The following CLTCL1 variants were observed in gnomAD, a reference collection of about 807,000 sequenced individuals.
The protein encoded by CLTCL1 is clathrin heavy chain 2.
In CLTCL1, 159 loss-of-function variants were observed where a neutral mutation model predicts 190.0. The observed-to-expected ratio is 0.84, with a 90% CI of 0.74 to 0.95. The LOEUF (loss-of-function observed/expected upper bound fraction) is 0.95, where lower values mean the gene tolerates loss of function less well. CLTCL1 is among the 40% of genes least tolerant of loss of function. The pLI is 0.00. For synonymous variants in CLTCL1, 752 were observed against 769.6 expected (o/e 0.98, Z 0.38); for missense variants, 1,878 against 2,033.4 (o/e 0.92, Z 1.47).
At chr22:19,271,477 C>A (rs142679084) in intron 2 of CLTCL1, among the ~76,000 whole-genome samples, 121 of 152,264 alleles carry the variant, frequency 7.9e-4, no homozygotes, top group African/African-American at 2.1e-3. Flanking sequence ...ATGGCACTCC[C>A]CCTTTTGTTC....
At chr22:19,288,459 T>A (rs1341946271) in intron 1 of CLTCL1, among the ~76,000 whole-genome samples, 1 of 152,254 alleles carries the variant, frequency 6.6e-6, no homozygotes, top group Admixed American at 6.5e-5. Flanking sequence ...AGTTATTGTT[T>A]AATGCTTTAC....
At chr22:19,268,437 A>G (rs1432691033) in intron 2 of CLTCL1, among the ~76,000 whole-genome samples, 3 of 152,248 alleles carry the variant, frequency 2.0e-5, no homozygotes, top group African/African-American at 7.2e-5. Flanking sequence ...GAGAAAATAT[A>G]TGTAAATCAC....
chr22:19,275,057 C>G (rs1340451079), intron 2 of CLTCL1, among the ~76,000 whole-genome samples: 1 of 152,142 alleles, frequency 6.6e-6, no homozygotes, highest in African/African-American at 2.4e-5. Context: ...GTAAGTGATA[C>G]TGCATTTCAC....
intron 2 of CLTCL1, among the ~76,000 whole-genome samples, chr22:19,269,635 A>T (rs1332823765): frequency 2.0e-5 from 3 of 152,168 alleles, no homozygotes; most frequent in Non-Finnish European, 2.9e-5. Flanking sequence ...CTTTGCAGGG[A>T]CATGGATGAA....
At position 19,221,372 on chromosome 22, in the gene CLTCL1, C is replaced by A; in HGVS notation, c.2796+5G>T. ...CATGGGCAGCTCAGCACATCTGCTA[C>A]CCACCTTGATGAGCTCAAGGTCACA... is the stretch of plus-strand genomic sequence containing the variant. On this transcript the variant is annotated splice_donor_5th_base_variant and intron_variant, in intron 17 of 32. Coordinates refer to ENST00000427926, the MANE Select transcript of CLTCL1 (RefSeq NM_007098.4). 6.5e-7 allele frequency: 1 copy of A among 1,540,964 alleles called. No homozygotes were observed. Among genetic ancestry groups the A allele is most frequent in the Non-Finnish European group, 8.8e-7 (1 of 1,139,318 alleles).
intron 1 of CLTCL1, among the ~76,000 whole-genome samples, chr22:19,281,021 C>T (rs1357905928): frequency 1.3e-5 from 2 of 150,360 alleles, no homozygotes; most frequent in African/African-American, 2.4e-5. Context: ...CCGGGCGCGG[C>T]GGCTCACACC....
At chr22:19,266,991 G>C (rs1391706143) in intron 2 of CLTCL1, among the ~76,000 whole-genome samples, 4 of 152,146 alleles carry the variant, frequency 2.6e-5, no homozygotes, top group African/African-American at 9.7e-5. Context: ...GGGTATTCTA[G>C]CCGATGCAAT....
intron 29 of CLTCL1, among the ~76,000 whole-genome samples, chr22:19,186,119 C>T (rs946456915): frequency 6.6e-6 from 1 of 152,160 alleles, no homozygotes; most frequent in Non-Finnish European, 1.5e-5. Context: ...CCAACAGCCG[C>T]AGACCAGGAG....
chr22:19,228,625 T>G (rs1278163184), intron 11 of CLTCL1, among the ~76,000 whole-genome samples: 1 of 152,174 alleles, frequency 6.6e-6, no homozygotes, highest in East Asian at 1.9e-4. Flanking sequence ...ACAATATACT[T>G]AATATGTTGT....
At position 19,219,631 on chromosome 22, in the gene CLTCL1, G is replaced by A. The variant is rs552659520; in HGVS notation, c.2919+254C>T. Among the ~76,000 whole-genome samples the A allele has an allele frequency of 3.9e-5, 6 of 152,046 alleles. No homozygotes were observed. In the South Asian group the frequency reaches 1.2e-3, roughly 32 times the overall value. Reference sequence around the variant, plus strand: ...CCCAAGTAGCTGGGATTACAGGCGTGTGCCACCATGTGCGGCTAATTTTTG... The same window carrying A: ...CCCAAGTAGCTGGGATTACAGGCGTATGCCACCATGTGCGGCTAATTTTTG... On this transcript the variant is annotated intron_variant, in intron 18 of 32. Transcript: ENST00000427926.
chr22:19,247,651 C>T (rs2086461048), intron 3 of CLTCL1, among the ~76,000 whole-genome samples: 1 of 151,172 alleles, frequency 6.6e-6, no homozygotes, highest in Non-Finnish European at 1.5e-5. Flanking sequence ...ACCTCTGCAT[C>T]CTGGGTTCAG....
chr22:19,285,274 TA>T (rs1223526589), intron 1 of CLTCL1, among the ~76,000 whole-genome samples: 1 of 150,760 alleles, frequency 6.6e-6, no homozygotes, highest in Admixed American at 6.6e-5. Flanking sequence ...GACTCCATCT[TA>T]AAAAAAAGAA....
At chr22:19,201,602 G>T (rs989883690) in intron 22 of CLTCL1, 109 bp from the exon 23 acceptor site, 8 of 1,201,534 alleles carry the variant, frequency 6.7e-6, no homozygotes, top group African/African-American at 3.0e-5. Context: ...TGCTAGGGTG[G>T]TAAGCATCTT....
At chr22:19,234,912 G>A (rs1182051541) in intron 6 of CLTCL1, among the ~76,000 whole-genome samples, 1 of 151,760 alleles carries the variant, frequency 6.6e-6, no homozygotes, top group Non-Finnish European at 1.5e-5. Context: ...AGTCTATGTA[G>A]TTATTAAAGT....
chr22:19,181,115 A>C, intron 30 of CLTCL1: 1 of 396,326 alleles, frequency 2.5e-6, no homozygotes, highest in Non-Finnish European at 4.6e-6. Flanking sequence ...TGGGGGGCCA[A>C]GTCCTCCTCT....
chr22:19,187,871 T>C, intron 28 of CLTCL1, 110 bp downstream of exon 28: 1 of 1,335,908 alleles, frequency 7.5e-7, no homozygotes, highest in Non-Finnish European at 1.1e-6. Context: ...TGGTGTCCTG[T>C]GGGGCCTGCA....
intron 2 of CLTCL1, among the ~76,000 whole-genome samples, chr22:19,261,067 G>T (rs1677123301): frequency 6.6e-6 from 1 of 151,888 alleles, no homozygotes; most frequent in African/African-American, 2.4e-5. Flanking sequence ...TGCAATCCGT[G>T]GATCAAAGAG....
intron 2 of CLTCL1, among the ~76,000 whole-genome samples, chr22:19,263,821 A>C (rs1470296749): frequency 1.3e-5 from 2 of 152,252 alleles, no homozygotes; most frequent in Non-Finnish European, 2.9e-5. Context: ...ATGCACTGGG[A>C]AACCAAAAAA....
chr22:19,181,006 G>A (rs1261154902), intron 30 of CLTCL1, 200 bp from the exon 31 acceptor site: 9 of 581,292 alleles, frequency 1.5e-5, no homozygotes, highest in African/African-American at 1.1e-4. Flanking sequence ...GTGAAGCCTC[G>A]GTAGCTGGGC....
Sources: allele counts gnomAD v4.1 joint callset (sites outside exome capture counted in the v4.1 genomes callset), GRCh38; gene constraint gnomAD v4.1.1; transcripts MANE v1.5; gene names NCBI Gene and HGNC (gene_info 2026-07-23, HGNC 2026-07-21).